The following KIAA1549L variants were observed in gnomAD, a reference collection of about 807,000 sequenced individuals.
KIAA1549L encodes the protein UPF0606 protein KIAA1549L.
Under a neutral mutation model 160.7 loss-of-function variants are expected in KIAA1549L, and 88 were observed. The observed-to-expected ratio is 0.55, with a 90% CI of 0.46 to 0.65. The LOEUF (loss-of-function observed/expected upper bound fraction) is 0.65. Among genes scored for constraint, KIAA1549L ranks in the 30% least tolerant of loss-of-function variants. The probability of loss-of-function intolerance (pLI) is 0.00; values close to 1 mark genes in which losing one functional copy is unlikely to be tolerated. For missense variants in KIAA1549L, 2,258 were observed against 2,437.5 expected, an observed-to-expected ratio of 0.93 and a Z score of 1.55; for synonymous variants, 950 against 976.7, an observed-to-expected ratio of 0.97 and a Z score of 0.51.
At chr11:33,618,716 G>A (rs1850886174) in intron 16 of KIAA1549L, 54 bp downstream of exon 16, 2 of 1,443,818 alleles carry the variant, frequency 1.4e-6, no homozygotes, top group African/African-American at 2.8e-5. Flanking sequence ...CTGAAGGCAA[G>A]GGGGATAGGG....
At chr11:33,588,344 C>CT (rs1166523315) in intron 11 of KIAA1549L, among the ~76,000 whole-genome samples, 1 of 152,142 alleles carries the variant, frequency 6.6e-6, no homozygotes, top group Non-Finnish European at 1.5e-5. Flanking sequence ...GGACATGAAA[C>CT]TGGGCAGGCA....
intron 1 of KIAA1549L, among the ~76,000 whole-genome samples, chr11:33,499,209 G>C (rs1429379472): frequency 6.6e-6 from 1 of 152,150 alleles, no homozygotes; most frequent in Non-Finnish European, 1.5e-5. Flanking sequence ...CCAAACTCAG[G>C]AACTGAGTAG....
intron 17 of KIAA1549L, among the ~76,000 whole-genome samples, chr11:33,647,538 T>A (rs569697144): frequency 6.6e-6 from 1 of 152,312 alleles, no homozygotes; most frequent in Admixed American, 6.5e-5. Context: ...GTGACTTAAA[T>A]CACAATTTTA....
intron 1 of KIAA1549L, among the ~76,000 whole-genome samples, chr11:33,522,467 G>C (rs1453716001): frequency 6.6e-6 from 1 of 152,158 alleles, no homozygotes; most frequent in Non-Finnish European, 1.5e-5. Flanking sequence ...ATGGTAAGAA[G>C]AACATCAGTA....
At chr11:33,594,486 C>T (rs955103848) in intron 12 of KIAA1549L, among the ~76,000 whole-genome samples, 1 of 152,134 alleles carries the variant, frequency 6.6e-6, no homozygotes, top group Admixed American at 6.5e-5. Context: ...CAGGAATACC[C>T]CAGGTAGCAA....
In KIAA1549L at chr11:33,543,224, C is replaced by T. The variant is rs1854095736; in HGVS notation, c.1661C>T (p.Ser554Phe). The T allele has an allele frequency of 1.2e-6, 2 of 1,613,928 alleles. No individual in the cohort carries two copies. The highest frequency in any genetic ancestry group is 1.7e-6 in the Non-Finnish European group (2 of 1,179,908). The change falls in exon 2 of 21, where the codon TCT becomes TTT. Residue 554 changes from serine to phenylalanine, a missense_variant. Ser to Phe is a radical substitution (Grantham distance 155, BLOSUM62 -2). This residue lies in a region of KIAA1549L where 540 missense variants were observed against 465.7 expected (regional missense o/e 1.16). Coordinates refer to ENST00000658780, the MANE Select transcript of KIAA1549L (RefSeq NM_012194.3). ...SSKVPNLLSTSWTFPRWKKDS... is the reference protein window; with the variant it reads ...SSKVPNLLSTFWTFPRWKKDS... ...AAAGTTCCTAATCTTCTTTCCACAT[C>T]TTGGACATTTCCCCGGTGGAAAAAG...
At chr11:33,437,639 G>GA (rs1851407126) in intron 1 of KIAA1549L, among the ~76,000 whole-genome samples, 1 of 152,222 alleles carries the variant, frequency 6.6e-6, no homozygotes, top group Admixed American at 6.5e-5. Context: ...GCAAGCCCTT[G>GA]ATAAATAGCA....
At chr11:33,484,628 C>A (rs1298471000) in intron 1 of KIAA1549L, among the ~76,000 whole-genome samples, 2 of 152,150 alleles carry the variant, frequency 1.3e-5, no homozygotes, top group Non-Finnish European at 2.9e-5. Context: ...GGGCTTTGCA[C>A]CATGCTGGAC....
At chr11:33,591,115 C>T in intron 11 of KIAA1549L, 122 bp from the exon 12 acceptor site, 1 of 704,708 alleles carries the variant, frequency 1.4e-6, no homozygotes, top group South Asian at 1.6e-5. Context: ...TGAGTTAACT[C>T]TTGTTTATTA....
chr11:33,614,584 A>ATTT (rs869257067), intron 15 of KIAA1549L, among the ~76,000 whole-genome samples: 1 of 5,120 alleles, frequency 2.0e-4, no homozygotes, highest in African/African-American at 6.7e-4. Context: ...ATATATATAT[A>ATTT]TTTTTTTTTT....
intron 6 of KIAA1549L, among the ~76,000 whole-genome samples, chr11:33,558,131 A>AT (rs1854711241): frequency 6.6e-6 from 1 of 152,156 alleles, no homozygotes; most frequent in African/African-American, 2.4e-5. Context: ...CTGTAAAAAA[A>AT]TTTTTTTAAT....
chr11:33,615,669 C>T (rs1463289484), intron 15 of KIAA1549L, among the ~76,000 whole-genome samples: 1 of 152,132 alleles, frequency 6.6e-6, no homozygotes, highest in Non-Finnish European at 1.5e-5. Context: ...CTGGTATACA[C>T]TTCAATGTCG....
chr11:33,400,561 A>G (rs922876498), intron 1 of KIAA1549L, among the ~76,000 whole-genome samples: 5 of 152,216 alleles, frequency 3.3e-5, no homozygotes, highest in African/African-American at 1.2e-4. Flanking sequence ...GTCTTAGAGA[A>G]TCATGTACCA....
intron 1 of KIAA1549L, among the ~76,000 whole-genome samples, chr11:33,498,776 C>A (rs1476216823): frequency 6.6e-6 from 1 of 152,194 alleles, no homozygotes; most frequent in East Asian, 1.9e-4. Flanking sequence ...GAATTGTTGG[C>A]AGTCTTCTTT....
chr11:33,439,694 G>A (rs773939157), intron 1 of KIAA1549L, among the ~76,000 whole-genome samples: 1 of 151,308 alleles, frequency 6.6e-6, no homozygotes, highest in Non-Finnish European at 1.5e-5. Flanking sequence ...TACAGCCACC[G>A]TGCCCGGCTG....
intron 1 of KIAA1549L, among the ~76,000 whole-genome samples, chr11:33,426,688 G>A (rs538277084): frequency 1.1e-4 from 17 of 152,300 alleles, no homozygotes; most frequent in Admixed American, 2.6e-4. Context: ...TTGAAAAGCA[G>A]GTAGGTGATA....
intron 1 of KIAA1549L, among the ~76,000 whole-genome samples, chr11:33,492,353 C>A (rs1052608097): frequency 6.6e-6 from 1 of 152,074 alleles, no homozygotes; most frequent in African/African-American, 2.4e-5. Flanking sequence ...GAAAACAGAG[C>A]AAGACTCTGT....
At chr11:33,593,758 C>T (rs1254512699) in intron 12 of KIAA1549L, among the ~76,000 whole-genome samples, 1 of 152,120 alleles carries the variant, frequency 6.6e-6, no homozygotes, top group Non-Finnish European at 1.5e-5. Flanking sequence ...TGAGTGTGGA[C>T]ATGTTACATT....
chr11:33,461,182 T>C (rs1476499832), intron 1 of KIAA1549L, among the ~76,000 whole-genome samples: 2 of 149,178 alleles, frequency 1.3e-5, no homozygotes, highest in Non-Finnish European at 3.0e-5. Flanking sequence ...AAAAAAAATA[T>C]TTTTATAGAC....
Sources: allele counts gnomAD v4.1 joint callset (sites outside exome capture counted in the v4.1 genomes callset), GRCh38; gene constraint gnomAD v4.1.1; regional missense constraint gnomAD v4.1.1; transcripts MANE v1.5; gene names NCBI Gene and HGNC (gene_info 2026-07-23, HGNC 2026-07-21).